Variants in KLHL14 observed in about 807,000 individuals in gnomAD.
KLHL14 encodes the protein kelch like family member 14, also known as kelch-like protein 14.
Under a neutral mutation model 64.3 loss-of-function variants are expected in KLHL14, and 22 were observed. The observed-to-expected ratio is 0.34, with a 90% CI of 0.24 to 0.49. The LOEUF is 0.49. KLHL14 is among the 20% of genes least tolerant of loss of function. The pLI, the probability that KLHL14 is intolerant of heterozygous loss-of-function variation, is 0.99. For synonymous variants in KLHL14, 322 were observed against 333.4 expected (o/e 0.97, Z 0.37); for missense variants, 661 against 789.0 (o/e 0.84, Z 1.94).
intron 5 of KLHL14, among the ~76,000 whole-genome samples, chr18:32,684,009 C>T (rs962335370): frequency 2.4e-4 from 37 of 152,192 alleles, no homozygotes; most frequent in African/African-American, 7.2e-4. Context: ...TTGTTCTTAA[C>T]GCTTCCCAAA....
chr18:32,752,844 C>T lies in KLHL14; in HGVS notation c.948-10795G>A, dbSNP rs968763095. On this transcript the variant is annotated intron_variant, in intron 2 of 8. Transcript: ENST00000359358. Reference sequence around the variant, plus strand: ...TGTCGCCCAGGCTGGAGTGCAGTGGCGGGATCTCGGCTCACTGCAAGCTCC... The same window carrying T: ...TGTCGCCCAGGCTGGAGTGCAGTGGTGGGATCTCGGCTCACTGCAAGCTCC... Among the ~76,000 whole-genome samples the T allele has an allele frequency of 7.1e-5, 9 of 127,418 alleles. No homozygotes were observed. The East Asian group carries it at 9.4e-4, about 13-fold the overall frequency. 83.6% of individuals were successfully genotyped at this position (127,418 alleles called of 152,430 possible). A position where few individuals can be genotyped will look rare whatever the true frequency, so the allele number is the denominator to read the frequency against.
In KLHL14 at chr18:32,735,028, T is replaced by C. The variant is rs574498538; in HGVS notation, c.1069+6900A>G. On this transcript the variant is annotated intron_variant, in intron 3 of 8. Coordinates refer to ENST00000359358, the MANE Select transcript of KLHL14 (RefSeq NM_020805.3). Reference sequence around the variant, plus strand: ...TGCAAATTTTGTCACTTACACGTCATAATTTGCAATTTAGTCCATAAACCA... The same window carrying C: ...TGCAAATTTTGTCACTTACACGTCACAATTTGCAATTTAGTCCATAAACCA... Among the ~76,000 whole-genome samples, 339 of 152,350 alleles carry C rather than the reference T, an allele frequency of 2.2e-3. 1 individual carries two copies. Among genetic ancestry groups the C allele is most frequent in the African/African-American group, 7.6e-3 (316 of 41,590 alleles).
In KLHL14 at chr18:32,680,200, G is replaced by A; in HGVS notation, c.1557C>T (p.Arg519=). Residue 519 remains arginine (R), a synonymous_variant, in exon 7 of 9, where the codon CGC becomes CGT. Coordinates refer to ENST00000359358, the MANE Select transcript of KLHL14 (RefSeq NM_020805.3). The surrounding 1 kb of genome is among the most constrained non-coding windows in gnomAD (Gnocchi z 4.8). ...AIHTLAVMND[R]LYAIGGNHLK... is the part of the protein sequence containing the mutation. Reference sequence around the variant, plus strand: ...AATGATTTCCTCCAATTGCATACAAGCGATCATTCATTACAGCCAAAGTGT... The same window carrying A: ...AATGATTTCCTCCAATTGCATACAAACGATCATTCATTACAGCCAAAGTGT... 1 of 1,613,724 alleles carries A rather than the reference G, an allele frequency of 6.2e-7. No homozygotes were observed. The highest frequency in any genetic ancestry group is 8.5e-7 in the Non-Finnish European group (1 of 1,179,778).
rs912164557 is a variant in KLHL14 at position 32,680,770 on chromosome 18, A to G, written c.1239-171T>C. 6.6e-6 allele frequency among the ~76,000 whole-genome samples: 1 copy of G among 152,216 alleles called. No homozygotes were observed. The highest frequency in any genetic ancestry group is 2.4e-5 in the African/African-American group (1 of 41,464). ...ACCTTATAATTCTGAGACCTTCTAC[A>G]GTAATCATATGTATTGCCCTTCCTG... On this transcript the variant is annotated intron_variant, in intron 5 of 8. Coordinates refer to ENST00000359358, the MANE Select transcript of KLHL14 (RefSeq NM_020805.3). The surrounding 1 kb of genome is among the most constrained non-coding windows in gnomAD (Gnocchi z 4.8).
chr18:32,756,517 T>G (rs981837172), intron 2 of KLHL14, among the ~76,000 whole-genome samples: 7 of 152,128 alleles, frequency 4.6e-5, no homozygotes, highest in Non-Finnish European at 1.0e-4. Flanking sequence ...TTCCTGGAAG[T>G]TGGACTGTCA....
At chr18:32,710,591 T>C (rs1042230392) in intron 3 of KLHL14, among the ~76,000 whole-genome samples, 10 of 152,188 alleles carry the variant, frequency 6.6e-5, no homozygotes, top group African/African-American at 2.2e-4. Flanking sequence ...GGAGCACATG[T>C]CCCAGAGAGG....
chr18:32,747,733 CAGT>C lies in KLHL14; in HGVS notation c.948-5687_948-5685del, dbSNP rs1161962812. ...TTTCTTTTAAGGCTTTCTAAAATCA[CAGT>C]AGTGTTTTAGCAGTCACAGTGCAGT... On this transcript the variant is annotated intron_variant, in intron 2 of 8. Coordinates refer to ENST00000359358, the MANE Select transcript of KLHL14 (RefSeq NM_020805.3). 2.0e-5 allele frequency among the ~76,000 whole-genome samples: 3 copies of C among 152,198 alleles called. No individual in the cohort carries two copies. The East Asian group carries it at 5.8e-4, about 29-fold the overall frequency.
intron 1 of KLHL14, chr18:32,772,232 C>T (rs1312265976): frequency 1.5e-5 from 6 of 399,020 alleles, no homozygotes; most frequent in South Asian, 1.1e-4. Flanking sequence ...GGATCGCCGG[C>T]TTCCTATTTA....
chr18:32,706,845 T>G (rs2049993046), intron 3 of KLHL14, among the ~76,000 whole-genome samples: 1 of 152,114 alleles, frequency 6.6e-6, no homozygotes, highest in Non-Finnish European at 1.5e-5. Flanking sequence ...ATCAGATGTG[T>G]GCATGTCTCC....
chr18:32,705,655 G>A (rs983578882), intron 3 of KLHL14, among the ~76,000 whole-genome samples: 1 of 151,182 alleles, frequency 6.6e-6, no homozygotes, highest in Admixed American at 6.6e-5. Flanking sequence ...CCTGTGAGGT[G>A]GAGGTTATAA....
At chr18:32,686,173 G>A (rs1299560343) in intron 5 of KLHL14, among the ~76,000 whole-genome samples, 1 of 138,144 alleles carries the variant, frequency 7.2e-6, no homozygotes, top group Admixed American at 7.9e-5. Context: ...CACTGTGCCC[G>A]GCTATTTTTT....
chr18:32,727,677 G>C (rs1250375023), intron 3 of KLHL14, among the ~76,000 whole-genome samples: 2 of 152,162 alleles, frequency 1.3e-5, no homozygotes, highest in African/African-American at 4.8e-5. Flanking sequence ...AAGCTCTAAA[G>C]TGGAAGGAGT....
At chr18:32,761,066 A>G (rs1405622459) in intron 2 of KLHL14, among the ~76,000 whole-genome samples, 2 of 152,234 alleles carry the variant, frequency 1.3e-5, no homozygotes, top group East Asian at 3.8e-4. Flanking sequence ...AATAATATAC[A>G]AACTTAAAAC....
intron 3 of KLHL14, among the ~76,000 whole-genome samples, chr18:32,702,430 T>C (rs2049970755): frequency 2.0e-5 from 3 of 151,704 alleles, no homozygotes; most frequent in Non-Finnish European, 4.4e-5. Flanking sequence ...GTTAGTTTAA[T>C]CCTACCATTC....
intron 3 of KLHL14, among the ~76,000 whole-genome samples, chr18:32,730,765 G>T (rs1053433418): frequency 3.3e-5 from 5 of 152,190 alleles, no homozygotes; most frequent in African/African-American, 2.4e-5. Context: ...ACATAAAAAT[G>T]TGGGAACATT....
chr18:32,720,664 A>G (rs1216827128), intron 3 of KLHL14, among the ~76,000 whole-genome samples: 2 of 150,374 alleles, frequency 1.3e-5, no homozygotes, highest in Non-Finnish European at 3.0e-5. Context: ...CCAAACACTA[A>G]TGCTTCAAGA....
intron 2 of KLHL14, among the ~76,000 whole-genome samples, chr18:32,757,211 G>A (rs1452945826): frequency 6.6e-6 from 1 of 152,154 alleles, no homozygotes; most frequent in Non-Finnish European, 1.5e-5. Flanking sequence ...CACTAGAAGC[G>A]ACAATGAAGT....
chr18:32,695,430 T>G, intron 4 of KLHL14, 33 bp downstream of exon 4: 1 of 1,317,634 alleles, frequency 7.6e-7, no homozygotes, highest in Non-Finnish European at 1.1e-6. Flanking sequence ...ACATACTTGT[T>G]GAGCACCTCC....
chr18:32,712,772 T>C (rs1437493164), intron 3 of KLHL14, among the ~76,000 whole-genome samples: 2 of 152,234 alleles, frequency 1.3e-5, no homozygotes, highest in Non-Finnish European at 2.9e-5. Context: ...TTTAGTTTCA[T>C]AATTCCATGG....
Sources: gnomAD v4.1 joint callset for allele counts (sites outside exome capture counted in the v4.1 genomes callset) on GRCh38, gnomAD v4.1.1 for gene constraint, Gnocchi (gnomAD v3.1) non-coding constraint, MANE v1.5 for transcripts, NCBI Gene and HGNC (gene_info 2026-07-23, HGNC 2026-07-21) for gene names.